Variants in HIVEP1 observed in about 807,000 individuals in gnomAD.
HIVEP1 encodes the protein HIVEP zinc finger 1.
In HIVEP1, 36 loss-of-function variants were observed where a neutral mutation model predicts 180.0. The observed-to-expected ratio is 0.20, with a 90% CI of 0.15 to 0.26. HIVEP1 has a LOEUF of 0.26. Among genes scored for constraint, HIVEP1 ranks in the 10% least tolerant of loss-of-function variants. The pLI, the probability that HIVEP1 is intolerant of heterozygous loss-of-function variation, is 1.00. For missense variants in HIVEP1, 3,143 were observed against 3,268.7 expected (o/e 0.96, Z 0.94); for synonymous variants, 1,239 against 1,239.0 (o/e 1.00, Z 0.00).
At chr6:12,012,277 C>A (rs1282307764), upstream of HIVEP1, 1 of 148,322 alleles carries the variant, frequency 6.7e-6, no homozygotes, top group East Asian at 1.9e-4. Flanking sequence ...CGGCCCGCTC[C>A]CCTGTTTAAT....
chr6:12,060,086 G>A (rs765280896), intron 2 of HIVEP1, among the ~76,000 whole-genome samples: 1 of 152,138 alleles, frequency 6.6e-6, no homozygotes, highest in Non-Finnish European at 1.5e-5. Flanking sequence ...TTCACCAGTA[G>A]TATCTTGTTC....
chr6:12,035,673 T>C (rs1217408990), intron 2 of HIVEP1, among the ~76,000 whole-genome samples: 1 of 152,216 alleles, frequency 6.6e-6, no homozygotes, highest in Non-Finnish European at 1.5e-5. Context: ...ATCTTTTAAA[T>C]ATGATGTTGG....
chr6:12,093,200 C>G (rs570121558), intron 3 of HIVEP1, among the ~76,000 whole-genome samples: 3 of 152,132 alleles, frequency 2.0e-5, no homozygotes, highest in East Asian at 1.9e-4. Flanking sequence ...TTGTATTCCC[C>G]CTTACTGAAA....
At position 12,120,868 on chromosome 6, in the gene HIVEP1, T is replaced by C. The variant is rs761012481; in HGVS notation, c.1073T>C (p.Leu358Ser). 12 of 1,614,202 alleles carry C rather than the reference T, an allele frequency of 7.4e-6. 1 individual carries two copies. The South Asian group carries it at 1.2e-4, about 16-fold the overall frequency. Residue 358 changes from leucine to serine, a missense_variant, in exon 4 of 9, where the codon TTG (leucine) becomes TCG (serine). Leu to Ser is a moderately radical substitution (Grantham distance 145). Coordinates refer to ENST00000379388, the MANE Select transcript of HIVEP1 (RefSeq NM_002114.4). ...CAGCAAATGGATTCTGCTTCACCTT[T>C]GTCAATAAGTCCGGCTAATTCTACA... Reference protein sequence around the residue: ...QNQQMDSASPLSISPANSTQS... With the variant: ...QNQQMDSASPSSISPANSTQS...
chr6:12,051,598 T>C (rs1581584269), intron 2 of HIVEP1, among the ~76,000 whole-genome samples: 1 of 151,906 alleles, frequency 6.6e-6, no homozygotes, highest in Non-Finnish European at 1.5e-5. Context: ...TAATTAAATA[T>C]AATATATAGA....
intron 3 of HIVEP1, among the ~76,000 whole-genome samples, chr6:12,102,747 T>G (rs1307214051): frequency 6.6e-6 from 1 of 152,190 alleles, no homozygotes; most frequent in Non-Finnish European, 1.5e-5. Flanking sequence ...AAGAAGCGCA[T>G]TATTTGAAGA....
the HIVEP1 span, among the ~76,000 whole-genome samples, chr6:12,201,897 T>A: frequency 7.2e-5 from 11 of 152,300 alleles, no homozygotes; most frequent in South Asian, 2.3e-3. Context: ...GGGGATCTCA[T>A]GAGAATGCCA....
intron 3 of HIVEP1, among the ~76,000 whole-genome samples, chr6:12,095,721 C>A (rs891966319): frequency 6.6e-6 from 1 of 151,658 alleles, no homozygotes; most frequent in African/African-American, 2.4e-5. Context: ...ATCATTTTGC[C>A]ATGATGAAAA....
chr6:12,115,347 A>ATTTTTT (rs1775145972), intron 3 of HIVEP1, among the ~76,000 whole-genome samples: 6 of 73,442 alleles, frequency 8.2e-5, no homozygotes, highest in African/African-American at 4.0e-4. Flanking sequence ...TTCCCCAACT[A>ATTTTTT]TTCTTTTTTT....
At chr6:12,066,367 A>C (rs1300358023) in intron 2 of HIVEP1, among the ~76,000 whole-genome samples, 1 of 152,212 alleles carries the variant, frequency 6.6e-6, no homozygotes, top group Non-Finnish European at 1.5e-5. Flanking sequence ...TTTAAGTCTT[A>C]AGTTCAGTTA....
chr6:12,138,724 C>G (rs1758835280), intron 7 of HIVEP1, among the ~76,000 whole-genome samples: 1 of 152,078 alleles, frequency 6.6e-6, no homozygotes, highest in South Asian at 2.1e-4. Context: ...ATGTGGGTAT[C>G]ATTCTGACTT....
intron 7 of HIVEP1, among the ~76,000 whole-genome samples, chr6:12,146,660 A>C (rs570627959): frequency 6.6e-6 from 1 of 152,304 alleles, no homozygotes; most frequent in South Asian, 2.1e-4. Context: ...AGGTAATTCA[A>C]GTTTTTTGAC....
chr6:12,010,367 A>T (rs185635969), upstream of HIVEP1, among the ~76,000 whole-genome samples: 26 of 152,262 alleles, frequency 1.7e-4, no homozygotes, highest in African/African-American at 5.8e-4. Flanking sequence ...TGAGTATTCC[A>T]TTTTTAATCA....
the HIVEP1 span, among the ~76,000 whole-genome samples, chr6:12,207,903 C>CAAA: frequency 1.8e-3 from 166 of 91,060 alleles, no homozygotes; most frequent in Middle Eastern, 5.7e-3. Context: ...GACTCTGTCT[C>CAAA]AAAAAAAAAA....
intron 2 of HIVEP1, chr6:12,038,882 A>G (rs955731441): frequency 9.2e-5 from 14 of 152,224 alleles, no homozygotes; most frequent in African/African-American, 2.9e-4. Flanking sequence ...GGGACGTTTT[A>G]CTTCTGACTG....
intron 7 of HIVEP1, among the ~76,000 whole-genome samples, chr6:12,147,155 G>C (rs1235705853): frequency 6.6e-6 from 1 of 152,154 alleles, no homozygotes; most frequent in South Asian, 2.1e-4. Context: ...TGGGGGACAG[G>C]TAATAGATGC....
At chr6:12,161,268 A>C (rs573160115) in intron 7 of HIVEP1, among the ~76,000 whole-genome samples, 171 bp from the exon 8 acceptor site, 1 of 152,088 alleles carries the variant, frequency 6.6e-6, no homozygotes, top group Non-Finnish European at 1.5e-5. Flanking sequence ...CTGATGGCCA[A>C]CTGTCTTATT....
At chr6:12,154,776 A>C (rs755152426) in intron 7 of HIVEP1, among the ~76,000 whole-genome samples, 1 of 152,222 alleles carries the variant, frequency 6.6e-6, no homozygotes, top group African/African-American at 2.4e-5. Context: ...GTATGTAACA[A>C]ACCTGCACAT....
chr6:12,139,562 A>C (rs1758893679), intron 7 of HIVEP1, among the ~76,000 whole-genome samples: 1 of 152,278 alleles, frequency 6.6e-6, no homozygotes, highest in Non-Finnish European at 1.5e-5. Context: ...ACAAGGGGTC[A>C]GGGGATTTCC....
Sources: allele counts gnomAD v4.1 joint callset (sites outside exome capture counted in the v4.1 genomes callset), GRCh38; gene constraint gnomAD v4.1.1; transcripts MANE v1.5; gene names NCBI Gene and HGNC (gene_info 2026-07-23, HGNC 2026-07-21).